SPAST: variants seen among roughly 807,000 people sequenced by gnomAD.
SPAST encodes the protein spastic paraplegia 4 (autosomal dominant; spastin).
In SPAST, 30 loss-of-function variants were observed where a neutral mutation model predicts 76.6. The ratio of observed to expected loss-of-function variants is 0.39; its 90% CI spans 0.29 to 0.53. SPAST has a LOEUF of 0.53. Among genes scored for constraint, SPAST ranks in the 20% least tolerant of loss-of-function variants. The pLI, the probability that SPAST is intolerant of heterozygous loss-of-function variation, is 0.68. For synonymous variants in SPAST, 305 were observed against 281.0 expected, an observed-to-expected ratio of 1.09 and a Z score of -0.86; for missense variants, 717 against 770.5, an observed-to-expected ratio of 0.93 and a Z score of 0.82.
At chr2:32,126,347 A>G (rs1171537435) in intron 7 of SPAST, among the ~76,000 whole-genome samples, 1 of 151,450 alleles carries the variant, frequency 6.6e-6, no homozygotes, top group African/African-American at 2.4e-5. Context: ...GAAGATTCAT[A>G]TATTTTTTAT....
chr2:32,147,389 A>G, intron 16 of SPAST, 131 bp downstream of exon 16: 1 of 565,896 alleles, frequency 1.8e-6, no homozygotes. Context: ...CTGGCATGAT[A>G]TCGGCTCACT....
At chr2:32,075,929 C>T (rs1676946636) in intron 1 of SPAST, among the ~76,000 whole-genome samples, 1 of 110,724 alleles carries the variant, frequency 9.0e-6, no homozygotes, top group African/African-American at 3.6e-5. Context: ...GAGACAGAGT[C>T]TCGCTCTGTC....
intron 4 of SPAST, among the ~76,000 whole-genome samples, chr2:32,104,611 A>G (rs1244835302): frequency 6.6e-6 from 1 of 152,122 alleles, no homozygotes; most frequent in Non-Finnish European, 1.5e-5. Flanking sequence ...TTCCATGTTC[A>G]GTGCTTCCTT....
chr2:32,066,248 A>G (rs78105202), intron 1 of SPAST: 5,616 of 152,190 alleles, frequency 0.037, 151 homozygotes, highest in Non-Finnish European at 0.054. Flanking sequence ...TGCTTGGATT[A>G]CAGGTGTCAG....
At chr2:32,151,163 G>C (rs993641900) in intron 16 of SPAST, among the ~76,000 whole-genome samples, 1 of 152,012 alleles carries the variant, frequency 6.6e-6, no homozygotes, top group African/African-American at 2.4e-5. Context: ...GGCTGATCTG[G>C]AACTCCCAAC....
Position 32,147,372 on chromosome 2 carries a change from A to C in SPAST, c.1728+114A>C. 3 of 382,050 alleles carry C rather than the reference A, an allele frequency of 7.9e-6. No homozygotes were observed. The South Asian group carries it at 8.6e-5, about 11-fold the overall frequency. 23.7% of individuals were successfully genotyped at this position (382,050 alleles called of 1,614,324 possible). On this transcript the variant is annotated intron_variant, in intron 16 of 16. Transcript: ENST00000315285. ...TTTTTTTTTTTTTTTTTTTTTTTTG[A>C]GACAGTCTGGCATGATATCGGCTCA...
chr2:32,148,936 T>C (rs2148764557), intron 16 of SPAST, among the ~76,000 whole-genome samples: 1 of 151,042 alleles, frequency 6.6e-6, no homozygotes, highest in African/African-American at 2.4e-5. Flanking sequence ...ATTGCCCCAT[T>C]GCACTCTAGC....
Position 32,063,981 on chromosome 2 carries a change from G to A in SPAST, c.150G>A (p.Leu50=). 2 of 1,613,344 alleles carry A rather than the reference G, an allele frequency of 1.2e-6. No homozygotes were observed. The highest frequency in any genetic ancestry group is 1.3e-5 in the African/African-American group (1 of 74,984). ...CCGAGTCGCCGCATAAGCGGAACCT[G>A]TACTATTTCTCCTACCCGCTGTTTG... The part of the protein sequence containing the change: ...PPPESPHKRN[L]YYFSYPLFVG... The change falls in exon 1 of 17, where the codon CTG becomes CTA. Residue 50 remains leucine, a synonymous_variant. Transcript: ENST00000315285.
At chr2:32,088,473 T>C (rs1259500515) in intron 2 of SPAST, among the ~76,000 whole-genome samples, 1 of 152,168 alleles carries the variant, frequency 6.6e-6, no homozygotes, top group Non-Finnish European at 1.5e-5. Context: ...GGAGAAACCC[T>C]GTCTCTACTA....
intron 1 of SPAST, among the ~76,000 whole-genome samples, chr2:32,073,691 C>T (rs573942512): frequency 1.2e-3 from 188 of 152,220 alleles, no homozygotes; most frequent in African/African-American, 3.5e-3. Flanking sequence ...AATATGCTGA[C>T]GTAGCCTTTT....
At chr2:32,076,300 C>G (rs767803958) in intron 1 of SPAST, among the ~76,000 whole-genome samples, 11 of 152,074 alleles carry the variant, frequency 7.2e-5, no homozygotes, top group Non-Finnish European at 1.3e-4. Context: ...TTAAAACTTT[C>G]CAAATTAACA....
intron 13 of SPAST, 49 bp downstream of exon 13, chr2:32,141,995 C>G (rs1438747034): frequency 1.5e-6 from 2 of 1,349,984 alleles, no homozygotes; most frequent in Non-Finnish European, 1.1e-6. Context: ...GAAACAAGAA[C>G]TACCATCTTG....
chr2:32,085,399 TAG>T (rs1462510671), intron 1 of SPAST, among the ~76,000 whole-genome samples: 1 of 152,068 alleles, frequency 6.6e-6, no homozygotes, highest in Non-Finnish European at 1.5e-5. Flanking sequence ...AATTTTTTGG[TAG>T]AGATAAAATC....
At chr2:32,128,764 G>C in intron 9 of SPAST, 1 of 411,004 alleles carries the variant, frequency 2.4e-6, no homozygotes, top group Non-Finnish European at 4.5e-6. Flanking sequence ...AGAAGTCTAA[G>C]ATCAGTCAAA....
intron 4 of SPAST, among the ~76,000 whole-genome samples, chr2:32,112,707 AG>A (rs1294639696): frequency 6.6e-6 from 1 of 152,078 alleles, no homozygotes; most frequent in Admixed American, 6.6e-5. Context: ...ATTTTATAAT[AG>A]TTAACTTGTA....
intron 1 of SPAST, 82 bp downstream of exon 1, chr2:32,064,328 C>T (rs1021956990): frequency 7.6e-7 from 1 of 1,308,504 alleles, no homozygotes; most frequent in Non-Finnish European, 1.1e-6. Context: ...ACCTGCGTCC[C>T]TTTTCTGCGG....
At chr2:32,066,673 A>G (rs895625352) in intron 1 of SPAST, among the ~76,000 whole-genome samples, 2 of 151,908 alleles carry the variant, frequency 1.3e-5, no homozygotes, top group Admixed American at 6.6e-5. Flanking sequence ...GTCTTGAAAA[A>G]AAAAAGTAGG....
chr2:32,109,841 CAT>C (rs1678467641), intron 4 of SPAST, among the ~76,000 whole-genome samples: 1 of 148,542 alleles, frequency 6.7e-6, no homozygotes, highest in Non-Finnish European at 1.5e-5. Flanking sequence ...TATGTATATG[CAT>C]ATACATATAT....
Position 32,098,781 on chromosome 2 carries a change from T to A in SPAST, c.587-15T>A. On this transcript the variant is annotated splice_polypyrimidine_tract_variant and intron_variant, in intron 3 of 16. Coordinates refer to ENST00000315285, the MANE Select transcript of SPAST (RefSeq NM_014946.4). The stretch of plus-strand genomic sequence containing the variant: ...TTGTTTATTTTTTCTGTTTTTTACC[T>A]TCTCTGTTGCATAGAGAAGATGCAA... 1 of 1,559,202 alleles carries A rather than the reference T, an allele frequency of 6.4e-7. No individual in the cohort carries two copies. Among genetic ancestry groups the A allele is most frequent in the Non-Finnish European group, 8.8e-7 (1 of 1,130,156 alleles).
Sources: gnomAD v4.1 joint callset for allele counts (sites outside exome capture counted in the v4.1 genomes callset) on GRCh38, gnomAD v4.1.1 for gene constraint, MANE v1.5 for transcripts, NCBI Gene and HGNC (gene_info 2026-07-23, HGNC 2026-07-21) for gene names.